THSD7A: variants seen among roughly 807,000 people sequenced by gnomAD.
THSD7A encodes thrombospondin type-1 domain-containing protein 7A.
Under a neutral mutation model 231.3 loss-of-function variants are expected in THSD7A, and 96 were observed. The observed-to-expected ratio is 0.41, with a 90% CI of 0.35 to 0.49. THSD7A has a LOEUF of 0.49. Ranked by LOEUF, THSD7A falls within the 20% of genes least tolerant of loss-of-function variation. THSD7A has a pLI of 0.05. For missense variants in THSD7A, 2,290 were observed against 2,070.2 expected (o/e 1.11, Z -2.06); for synonymous variants, 940 against 743.3 (o/e 1.26, Z -4.30).
chr7:11,546,388 G>A (rs554732916), intron 4 of THSD7A, among the ~76,000 whole-genome samples: 1 of 152,240 alleles, frequency 6.6e-6, no homozygotes, highest in South Asian at 2.1e-4. Flanking sequence ...AGTACAGCAG[G>A]TGCTTAACCT....
chr7:11,816,605 C>T (rs992761056), intron 1 of THSD7A, among the ~76,000 whole-genome samples: 37 of 151,610 alleles, frequency 2.4e-4, no homozygotes, highest in African/African-American at 8.5e-4. Context: ...AAATAAAAAG[C>T]GATAACTTAG....
intron 23 of THSD7A, among the ~76,000 whole-genome samples, chr7:11,383,318 T>C (rs771361225): frequency 1.2e-4 from 19 of 152,106 alleles, no homozygotes; most frequent in Non-Finnish European, 2.1e-4. Context: ...TTTTAACGGC[T>C]ACATAGAATT....
intron 13 of THSD7A, among the ~76,000 whole-genome samples, chr7:11,432,383 C>G (rs1029346256): frequency 6.6e-6 from 1 of 152,060 alleles, no homozygotes; most frequent in Non-Finnish European, 1.5e-5. Flanking sequence ...TCTTCATATG[C>G]AAAAGTGCAT....
Position 11,406,376 on chromosome 7 carries a change from G to C in THSD7A, c.4161C>G (p.Phe1387Leu), listed in dbSNP as rs369514298. ...DDFSKVVDEE[F>L]CADIELIIDG... is the part of the protein sequence containing the mutation. ...CTATAATGAGTTCAATGTCAGCACAGAATTCCTCATCCACCACTTTGCTGA... is the reference window on the plus strand; with the variant it reads ...CTATAATGAGTTCAATGTCAGCACACAATTCCTCATCCACCACTTTGCTGA... Residue 1387 changes from phenylalanine (F) to leucine (L), a missense_variant, in exon 22 of 28, where the codon TTC becomes TTG. Transcript: ENST00000423059. This position sits in a 1 kb window ranked among gnomAD's most constrained non-coding sequence, Gnocchi z 4.7. 12 of 1,613,930 alleles carry C rather than the reference G, an allele frequency of 7.4e-6. No individual in the cohort carries two copies. The highest frequency in any genetic ancestry group is 1.0e-5 in the Non-Finnish European group (12 of 1,179,854).
At chr7:11,783,745 T>C (rs1266635168) in intron 1 of THSD7A, among the ~76,000 whole-genome samples, 1 of 152,128 alleles carries the variant, frequency 6.6e-6, no homozygotes, top group African/African-American at 2.4e-5. Flanking sequence ...TTATAATTTA[T>C]AGAAACAATA....
rs560559843 is a variant in THSD7A at position 11,482,142 on chromosome 7, A to G, written c.1823-160T>C. Among the ~76,000 whole-genome samples, 10 of 152,322 alleles carry G rather than the reference A, an allele frequency of 6.6e-5. No homozygotes were observed. The South Asian group carries it at 2.1e-3, about 32-fold the overall frequency. ...GATTGCCTACTATAGCCAGATGTTA[A>G]TAGAACACCAGGAACAAGCATATAT... On this transcript the variant is annotated intron_variant, in intron 6 of 27. Transcript: ENST00000423059.
chr7:11,537,367 C>T (rs112151909), intron 6 of THSD7A, among the ~76,000 whole-genome samples: 37 of 152,256 alleles, frequency 2.4e-4, no homozygotes, highest in Admixed American at 1.8e-3. Flanking sequence ...TTGGAGGTGG[C>T]GTCTGGTGGG....
intron 6 of THSD7A, among the ~76,000 whole-genome samples, chr7:11,527,700 G>T (rs1788536684): frequency 6.6e-6 from 1 of 152,156 alleles, no homozygotes; most frequent in Non-Finnish European, 1.5e-5. Context: ...TAGTTGGTTA[G>T]GGGTAAATTT....
rs866555607 is a variant in THSD7A, at chr7:11,635,569, T to C, written c.1022+561A>G. On this transcript the variant is annotated intron_variant, in intron 2 of 27. Coordinates refer to ENST00000423059, the MANE Select transcript of THSD7A (RefSeq NM_015204.3). ...CTGAATGAGGCTACTCATGATTCAA[T>C]ACCCTCTACTTACCTTATTTTTGGC... Among the ~76,000 whole-genome samples the C allele has an allele frequency of 2.1e-4, 32 of 152,232 alleles. 1 individual carries two copies. The highest frequency in any genetic ancestry group is 4.6e-4 in the Non-Finnish European group (31 of 68,032).
chr7:11,408,962 G>C (rs1783683368), intron 19 of THSD7A, among the ~76,000 whole-genome samples: 1 of 152,172 alleles, frequency 6.6e-6, no homozygotes, highest in African/African-American at 2.4e-5. Flanking sequence ...ATAGTTTCAT[G>C]GGGACAGTTT....
intron 6 of THSD7A, among the ~76,000 whole-genome samples, chr7:11,535,630 G>A (rs937897779): frequency 4.0e-5 from 6 of 151,784 alleles, no homozygotes; most frequent in Non-Finnish European, 7.4e-5. Context: ...ACATTCTACA[G>A]GAAGGAAACT....
chr7:11,604,645 T>C (rs1288976712), intron 2 of THSD7A, among the ~76,000 whole-genome samples: 1 of 152,136 alleles, frequency 6.6e-6, no homozygotes, highest in Non-Finnish European at 1.5e-5. Context: ...TTAGCAGGCC[T>C]GGAATTCAAA....
At chr7:11,765,875 A>T (rs1004527068) in intron 1 of THSD7A, among the ~76,000 whole-genome samples, 1 of 152,166 alleles carries the variant, frequency 6.6e-6, no homozygotes, top group African/African-American at 2.4e-5. Flanking sequence ...TGAGCAACTT[A>T]GCATAAAAAT....
chr7:11,719,201 C>A (rs369180646), intron 1 of THSD7A, among the ~76,000 whole-genome samples: 1 of 151,498 alleles, frequency 6.6e-6, no homozygotes, highest in Non-Finnish European at 1.5e-5. Context: ...ATTCTCTTCT[C>A]TGGGTTCCTT....
rs1752505440 is a variant in THSD7A at position 11,401,722 on chromosome 7, A to AT, written c.4411+72dup. 6 of 1,440,474 alleles carry AT rather than the reference A, an allele frequency of 4.2e-6. No homozygotes were observed. The African/African-American group carries it at 8.7e-5, about 21-fold the overall frequency. The allele number at this position is 1,440,474 out of a possible 1,614,324, so 89.2% of individuals were successfully genotyped here. A position where few individuals can be genotyped will look rare whatever the true frequency, so the allele number is the denominator to read the frequency against. On this transcript the variant is annotated intron_variant, in intron 23 of 27. Coordinates refer to ENST00000423059, the MANE Select transcript of THSD7A (RefSeq NM_015204.3). ...CCACCGCACGTGGCCAACTTTGTTT[A>AT]TTTTTAACAGACTATTTTTTTTTTA...
chr7:11,517,473 T>C (rs1788082301), intron 6 of THSD7A, among the ~76,000 whole-genome samples: 1 of 149,854 alleles, frequency 6.7e-6, no homozygotes, highest in Non-Finnish European at 1.5e-5. Context: ...TCATTAAAAA[T>C]AGATACACTA....
intron 1 of THSD7A, among the ~76,000 whole-genome samples, chr7:11,750,586 C>T (rs1030896828): frequency 6.6e-6 from 1 of 151,858 alleles, no homozygotes; most frequent in Non-Finnish European, 1.5e-5. Context: ...CCATGGGGAC[C>T]CCAATCAAGT....
chr7:11,668,973 G>C (rs758033224), intron 1 of THSD7A, among the ~76,000 whole-genome samples: 1 of 152,118 alleles, frequency 6.6e-6, no homozygotes, highest in East Asian at 1.9e-4. Flanking sequence ...GTTTCTAGTC[G>C]AGTGTGCTGT....
intron 13 of THSD7A, among the ~76,000 whole-genome samples, 167 bp from the exon 14 acceptor site, chr7:11,429,292 G>C (rs1784411000): frequency 6.6e-6 from 1 of 152,210 alleles, no homozygotes; most frequent in Non-Finnish European, 1.5e-5. Flanking sequence ...GCAGGGAAAT[G>C]TCACATACAT....
Sources: gnomAD v4.1 joint callset for allele counts (sites outside exome capture counted in the v4.1 genomes callset) on GRCh38, gnomAD v4.1.1 for gene constraint, Gnocchi (gnomAD v3.1) non-coding constraint, MANE v1.5 for transcripts, NCBI Gene and HGNC (gene_info 2026-07-23, HGNC 2026-07-21) for gene names.